WIPF3: variants seen among roughly 807,000 people sequenced by gnomAD.
The protein encoded by WIPF3 is WAS/WASL-interacting protein family member 3.
A neutral mutation model predicts 38.9 loss-of-function variants in WIPF3; 33 were observed. That is an observed-to-expected ratio of 0.85 (90% CI 0.64 to 1.14). The LOEUF (loss-of-function observed/expected upper bound fraction) is 1.14, where lower values mean the gene tolerates loss of function less well. Among genes scored for constraint, WIPF3 ranks in the 50% most tolerant of loss-of-function variants. The pLI, the probability that WIPF3 is intolerant of heterozygous loss-of-function variation, is 0.00. For synonymous variants in WIPF3, 324 were observed against 269.3 expected (o/e 1.20, Z -1.99); for missense variants, 711 against 652.5 (o/e 1.09, Z -0.98).
intron 2 of WIPF3, among the ~76,000 whole-genome samples, chr7:29,843,642 A>C (rs1398092348): frequency 6.6e-6 from 1 of 152,158 alleles, no homozygotes. Flanking sequence ...ATTCCTAGAA[A>C]ACTGCCAGCG....
chr7:29,890,282 T>C (rs562944843), intron 7 of WIPF3, among the ~76,000 whole-genome samples: 12 of 150,796 alleles, frequency 8.0e-5, no homozygotes, highest in Non-Finnish European at 1.6e-4. Flanking sequence ...AGCCCAGGAG[T>C]TGGAGGCTGC....
chr7:29,884,762 T>C (rs1345331521), intron 5 of WIPF3, among the ~76,000 whole-genome samples, 169 bp downstream of exon 5: 1 of 152,248 alleles, frequency 6.6e-6, no homozygotes, highest in Non-Finnish European at 1.5e-5. Context: ...ATCCCGGCCT[T>C]GATCCCCTGC....
intron 7 of WIPF3, among the ~76,000 whole-genome samples, chr7:29,901,383 ATTTTTT>A (rs543723994): frequency 5.7e-5 from 7 of 122,220 alleles, no homozygotes; most frequent in African/African-American, 2.1e-4. Context: ...AGCAGCAGTG[ATTTTTT>A]TTTTTTTTTT....
rs145153271 is a variant in WIPF3 at position 29,887,814 on chromosome 7, G to T, written c.1100-254G>T. ...AAATTCAACTCATTGAATCTTCTCAGTAACCCTGGGAAGTGGGTGTACTAT... is the reference window on the plus strand; with the variant it reads ...AAATTCAACTCATTGAATCTTCTCATTAACCCTGGGAAGTGGGTGTACTAT... On this transcript the variant is annotated intron_variant, in intron 5 of 8. Transcript: ENST00000242140. Among the ~76,000 whole-genome samples the T allele has an allele frequency of 2.5e-3, 388 of 152,278 alleles. 1 individual carries two copies. The highest frequency in any genetic ancestry group is 8.2e-3 in the African/African-American group (342 of 41,540).
chr7:29,876,886 C>A (rs1211109620), intron 3 of WIPF3, among the ~76,000 whole-genome samples: 1 of 152,104 alleles, frequency 6.6e-6, no homozygotes, highest in Non-Finnish European at 1.5e-5. Flanking sequence ...ATCGGGGAGC[C>A]TCTTTGAGGA....
chr7:29,850,117 T>C (rs1785069906), intron 2 of WIPF3, among the ~76,000 whole-genome samples: 1 of 152,222 alleles, frequency 6.6e-6, no homozygotes, highest in South Asian at 2.1e-4. Context: ...CTTGCTCAGA[T>C]AGTTACATTT....
chr7:29,901,487 A>C (rs1286985653), intron 7 of WIPF3, among the ~76,000 whole-genome samples: 2 of 144,118 alleles, frequency 1.4e-5, no homozygotes, highest in Admixed American at 7.1e-5. Context: ...TTCTTGTCAT[A>C]TTTATGAAAA....
chr7:29,884,373 G>GCC lies in WIPF3; in HGVS notation c.883_884dup (p.Leu296ArgfsTer79). On this transcript the variant is annotated frameshift_variant, in exon 5 of 9. Transcript: ENST00000242140. LOFTEE classifies it high-confidence loss of function. ...ATGCGCAGGAGCCTCCCGCCCCGCC[G>GCC]CCCCCGCTCCCCCCTTATGCTTCTT... The GCC allele has an allele frequency of 2.2e-6, 1 of 458,246 alleles. No homozygotes were observed. Among genetic ancestry groups the GCC allele is most frequent in the Non-Finnish European group, 2.8e-6 (1 of 361,216 alleles). 28.4% of individuals were successfully genotyped at this position (458,246 alleles called of 1,614,324 possible).
intron 2 of WIPF3, among the ~76,000 whole-genome samples, chr7:29,859,249 G>T (rs1437149231): frequency 6.6e-6 from 1 of 152,222 alleles, no homozygotes; most frequent in Non-Finnish European, 1.5e-5. Context: ...GAAGACGGTT[G>T]AGCAGGGAGC....
intron 7 of WIPF3, among the ~76,000 whole-genome samples, chr7:29,893,869 T>C (rs1467663960): frequency 6.6e-6 from 1 of 152,106 alleles, no homozygotes; most frequent in Non-Finnish European, 1.5e-5. Flanking sequence ...TTTTTAATTG[T>C]AACCTATACC....
chr7:29,837,911 T>TTTAG (rs938730307), intron 2 of WIPF3, among the ~76,000 whole-genome samples: 12 of 152,194 alleles, frequency 7.9e-5, no homozygotes, highest in African/African-American at 2.4e-4. Flanking sequence ...TATTTATTTA[T>TTTAG]TTAGTTAGTT....
At chr7:29,836,923 G>T (rs1172978134) in intron 2 of WIPF3, among the ~76,000 whole-genome samples, 1 of 152,144 alleles carries the variant, frequency 6.6e-6, no homozygotes, top group Non-Finnish European at 1.5e-5. Flanking sequence ...CCCAGGAGGC[G>T]GAGGTTGCAG....
Position 29,872,298 on chromosome 7 carries a change from A to G in WIPF3, c.91-3532A>G, listed in dbSNP as rs115985119. On this transcript the variant is annotated intron_variant, in intron 2 of 8. Coordinates refer to ENST00000242140, the MANE Select transcript of WIPF3 (RefSeq NM_001080529.3). ...AGGAGGTTTTTTAAGACAGCAAATT[A>G]TGGTTGAATTGTTAATAAATATTGC... 7.6e-3 allele frequency among the ~76,000 whole-genome samples: 1,165 copies of G among 152,292 alleles called. 21 individuals carry two copies. Among genetic ancestry groups the G allele is most frequent in the African/African-American group, 0.026 (1,086 of 41,558 alleles).
intron 2 of WIPF3, among the ~76,000 whole-genome samples, chr7:29,835,866 C>T (rs1262060879): frequency 6.6e-6 from 1 of 152,216 alleles, no homozygotes; most frequent in Non-Finnish European, 1.5e-5. Context: ...ATCCTCCCCA[C>T]CGGATGCAAC....
Position 29,914,692 on chromosome 7 carries a change from T to C in WIPF3, c.*176T>C. On this transcript the variant is annotated 3_prime_UTR_variant, in exon 9 of 9. Coordinates refer to ENST00000242140, the MANE Select transcript of WIPF3 (RefSeq NM_001080529.3). Reference sequence around the variant, plus strand: ...AAAGCAGTATTTTAATTGACTTTTATTTCGGTAATATTTTTTAAAACACCC... The same window carrying C: ...AAAGCAGTATTTTAATTGACTTTTACTTCGGTAATATTTTTTAAAACACCC... The C allele has an allele frequency of 2.2e-6, 1 of 444,720 alleles. No individual in the cohort carries two copies. The highest frequency in any genetic ancestry group is 4.0e-6 in the Non-Finnish European group (1 of 252,024). The allele number at this position is 444,720 out of a possible 1,614,324, so 27.5% of individuals were successfully genotyped here. A position where few individuals can be genotyped will look rare whatever the true frequency, so the allele number is the denominator to read the frequency against.
chr7:29,822,336 C>T (rs975353390), intron 1 of WIPF3, among the ~76,000 whole-genome samples: 2 of 152,116 alleles, frequency 1.3e-5, no homozygotes, highest in African/African-American at 2.4e-5. Context: ...TTATAAGACT[C>T]ATTGAAATGC....
chr7:29,890,770 C>G (rs113846984), intron 7 of WIPF3, among the ~76,000 whole-genome samples: 29 of 139,338 alleles, frequency 2.1e-4, no homozygotes, highest in Non-Finnish European at 2.9e-4. Context: ...CAGGCCTGCC[C>G]TGTGTTCAGG....
At chr7:29,842,151 G>A (rs1166069495) in intron 2 of WIPF3, among the ~76,000 whole-genome samples, 2 of 152,268 alleles carry the variant, frequency 1.3e-5, no homozygotes, top group East Asian at 1.9e-4. Context: ...CCCAGGCAAA[G>A]CCTGACAGTA....
intron 1 of WIPF3, among the ~76,000 whole-genome samples, chr7:29,806,884 C>G (rs1158585693): frequency 6.6e-6 from 1 of 151,342 alleles, no homozygotes; most frequent in Non-Finnish European, 1.5e-5. Flanking sequence ...CTCACGCCCC[C>G]CACCCGCACC....
Sources: gnomAD v4.1 joint callset for allele counts (sites outside exome capture counted in the v4.1 genomes callset) on GRCh38, gnomAD v4.1.1 for gene constraint, MANE v1.5 for transcripts, NCBI Gene and HGNC (gene_info 2026-07-23, HGNC 2026-07-21) for gene names.